BPI: variants seen among roughly 807,000 people sequenced by gnomAD.
BPI encodes bactericidal permeability increasing protein.
Under a neutral mutation model 57.6 loss-of-function variants are expected in BPI, and 48 were observed. That is an observed-to-expected ratio of 0.83 (90% CI 0.66 to 1.06). The LOEUF (loss-of-function observed/expected upper bound fraction) is 1.06. Among genes scored for constraint, BPI ranks in the 50% least tolerant of loss-of-function variants. The pLI is 0.00. For missense variants in BPI, 651 were observed against 609.7 expected (o/e 1.07, Z -0.71); for synonymous variants, 237 against 238.2 (o/e 0.99, Z 0.05).
chr20:38,314,850 AGAT>A (rs112026634), intron 5 of BPI, among the ~76,000 whole-genome samples: 10 of 136,882 alleles, frequency 7.3e-5, no homozygotes, highest in African/African-American at 2.5e-4. Flanking sequence ...GTAATGGTGG[AGAT>A]GATGATGATG....
intron 14 of BPI, 68 bp from the exon 15 acceptor site, chr20:38,337,078 C>T: frequency 1.3e-6 from 2 of 1,517,694 alleles, no homozygotes; most frequent in South Asian, 1.2e-5. Flanking sequence ...CTTAAAACTC[C>T]AGTAGCTCCA....
chr20:38,324,149 T>C, intron 8 of BPI, 103 bp downstream of exon 8: 2 of 1,365,564 alleles, frequency 1.5e-6, no homozygotes, highest in South Asian at 2.9e-5. Context: ...TGGGGTAGGT[T>C]AAAGTGTTGA....
intron 12 of BPI, among the ~76,000 whole-genome samples, chr20:38,334,168 T>C (rs2076755545): frequency 6.6e-6 from 1 of 152,254 alleles, no homozygotes; most frequent in African/African-American, 2.4e-5. Context: ...TGTCGTGAGT[T>C]GTAAGGCCTT....
intron 13 of BPI, 80 bp downstream of exon 13, chr20:38,334,573 C>T: frequency 7.0e-7 from 1 of 1,428,572 alleles, no homozygotes; most frequent in Middle Eastern, 1.7e-4. Context: ...CACCTGTTAC[C>T]TGGCCCCAGG....
rs997652964 is a variant in BPI at position 38,335,774 on chromosome 20, G to A, written c.1413+100G>A. The A allele has an allele frequency of 2.2e-5, 26 of 1,190,938 alleles. No individual in the cohort carries two copies. The East Asian group carries it at 3.6e-4, about 16-fold the overall frequency. The allele number at this position is 1,190,938 out of a possible 1,614,324, so 73.8% of individuals were successfully genotyped here. A position where few individuals can be genotyped will look rare whatever the true frequency, so the allele number is the denominator to read the frequency against. On this transcript the variant is annotated intron_variant, in intron 14 of 14. Coordinates refer to ENST00000642449, the MANE Select transcript of BPI (RefSeq NM_001725.3). ...CTGCATGCCAAGCCCTGTGTGAAGCGCCTTCTACCCTTACAACAACTCTGG... is the reference window on the plus strand; with the variant it reads ...CTGCATGCCAAGCCCTGTGTGAAGCACCTTCTACCCTTACAACAACTCTGG...
intron 2 of BPI, among the ~76,000 whole-genome samples, chr20:38,308,562 A>ACAGAG (rs1433735652): frequency 6.6e-6 from 1 of 152,234 alleles, no homozygotes; most frequent in Non-Finnish European, 1.5e-5. Context: ...GCTCTTCTGT[A>ACAGAG]CAGAGCTTCC....
At chr20:38,325,871 G>C (rs1018353455) in intron 9 of BPI, among the ~76,000 whole-genome samples, 3 of 152,134 alleles carry the variant, frequency 2.0e-5, no homozygotes, top group Admixed American at 6.5e-5. Flanking sequence ...GGTCACAAAG[G>C]CCCTCCTTAG....
In BPI at chr20:38,337,473, A is replaced by G. The variant is rs1228456701; in HGVS notation, c.*289A>G. On this transcript the variant is annotated 3_prime_UTR_variant, in exon 15 of 15. Coordinates refer to ENST00000642449, the MANE Select transcript of BPI (RefSeq NM_001725.3). ...ACCAAGAAATTTCCATTTGTGCTTC[A>G]TGAAAAAAAACTTCTGGTTTTTTTC... is the stretch of plus-strand genomic sequence containing the variant. 1 of 332,610 alleles carries G rather than the reference A, an allele frequency of 3.0e-6. No individual in the cohort carries two copies. The highest frequency in any genetic ancestry group is 2.2e-5 in the African/African-American group (1 of 46,248). 20.6% of individuals were successfully genotyped at this position (332,610 alleles called of 1,614,324 possible).
At chr20:38,317,862 T>C (rs1178470026) in intron 5 of BPI, 5 of 1,479,044 alleles carry the variant, frequency 3.4e-6, no homozygotes, top group Admixed American at 4.4e-5. Context: ...TTTGTTCCAT[T>C]GTGAGTCATG....
chr20:38,313,334 G>C (rs1362344360), intron 5 of BPI, among the ~76,000 whole-genome samples: 1 of 132,646 alleles, frequency 7.5e-6, no homozygotes, highest in African/African-American at 2.9e-5. Context: ...GGTGAGCCAA[G>C]ATCATGCCAT....
chr20:38,326,634 T>C (rs751480270), intron 10 of BPI: 3 of 529,500 alleles, frequency 5.7e-6, no homozygotes, highest in Non-Finnish European at 9.4e-6. Flanking sequence ...GTGCGTTTGT[T>C]TACTTATTCA....
intron 2 of BPI, 32 bp downstream of exon 2, chr20:38,307,713 G>A (rs1289472920): frequency 3.2e-6 from 5 of 1,553,470 alleles, no homozygotes; most frequent in Non-Finnish European, 4.4e-6. Flanking sequence ...TCCTCGATTT[G>A]CAGGACTTGT....
intron 12 of BPI, among the ~76,000 whole-genome samples, chr20:38,332,223 C>T (rs2076746431): frequency 6.6e-6 from 1 of 152,112 alleles, no homozygotes. Context: ...AGTGAGAAGC[C>T]GGTGCGCTGT....
At chr20:38,325,404 G>A (rs2076707502) in intron 9 of BPI, among the ~76,000 whole-genome samples, 1 of 152,166 alleles carries the variant, frequency 6.6e-6, no homozygotes, top group African/African-American at 2.4e-5. Flanking sequence ...CAGCAGATTT[G>A]GTTTCTAGTG....
At chr20:38,309,467 G>T (rs1389219891) in intron 3 of BPI, among the ~76,000 whole-genome samples, 7 of 152,180 alleles carry the variant, frequency 4.6e-5, no homozygotes, top group Admixed American at 3.9e-4. Context: ...AGGAGGCTTG[G>T]CTCCACCTGT....
At chr20:38,321,664 A>G (rs762626208) in intron 7 of BPI, 5 of 152,182 alleles carry the variant, frequency 3.3e-5, no homozygotes, top group Non-Finnish European at 5.9e-5. Flanking sequence ...AACACATTCA[A>G]TGTGAAAAAG....
At chr20:38,331,138 C>A in intron 12 of BPI, 48 bp downstream of exon 12, 1 of 1,584,580 alleles carries the variant, frequency 6.3e-7, no homozygotes. Flanking sequence ...GACCTGGCGG[C>A]GGGGAGGGGG....
intron 1 of BPI, among the ~76,000 whole-genome samples, chr20:38,304,864 GGA>G (rs1229270057): frequency 6.6e-6 from 1 of 151,590 alleles, no homozygotes; most frequent in African/African-American, 2.4e-5. Context: ...CCCAGGCAGA[GGA>G]GAGAAAGACC....
In BPI at chr20:38,337,283, C is replaced by A; in HGVS notation, c.*99C>A. The A allele has an allele frequency of 2.9e-6, 3 of 1,037,720 alleles. No homozygotes were observed. The highest frequency in any genetic ancestry group is 4.2e-6 in the Non-Finnish European group (3 of 709,930). The allele number at this position is 1,037,720 out of a possible 1,614,324, so 64.3% of individuals were successfully genotyped here. On this transcript the variant is annotated 3_prime_UTR_variant, in exon 15 of 15. Transcript: ENST00000642449. ...CAGGGAATCCTCTCCAGATCTTAAC[C>A]AAGAGCCCCTTGCAAACTTCTTCGA...
Sources: allele counts gnomAD v4.1 joint callset (sites outside exome capture counted in the v4.1 genomes callset), GRCh38; gene constraint gnomAD v4.1.1; transcripts MANE v1.5; gene names NCBI Gene and HGNC (gene_info 2026-07-23, HGNC 2026-07-21).